Variants in ACO2 observed in about 807,000 individuals in gnomAD.
ACO2 encodes the protein aconitate hydratase, mitochondrial.
Under a neutral mutation model 84.5 loss-of-function variants are expected in ACO2, and 31 were observed. The observed-to-expected ratio is 0.37, with a 90% CI of 0.28 to 0.50. The LOEUF (loss-of-function observed/expected upper bound fraction) is 0.50. Among genes scored for constraint, ACO2 ranks in the 20% least tolerant of loss-of-function variants. The pLI is 0.97. For missense variants in ACO2, 685 were observed against 1,029.3 expected (o/e 0.67, Z 4.58); for synonymous variants, 414 against 412.7 (o/e 1.00, Z -0.04).
chr22:41,497,150 C>T (rs948486194), intron 1 of ACO2, among the ~76,000 whole-genome samples: 3 of 151,808 alleles, frequency 2.0e-5, no homozygotes, highest in African/African-American at 7.3e-5. Flanking sequence ...CTCACTGCAA[C>T]CTCTGCCCCC....
Position 41,515,105 on chromosome 22 carries a change from A to G in ACO2, c.526-272A>G, listed in dbSNP as rs2066465274. The stretch of plus-strand genomic sequence containing the variant: ...ATGGGTGTTTGGTTACTGTGCTACA[A>G]ATGAGGAAACTGAGGCATGGGGCAG... On this transcript the variant is annotated intron_variant, in intron 4 of 17. Transcript: ENST00000216254. This position sits in a 1 kb window ranked among gnomAD's most constrained non-coding sequence, Gnocchi z 5.8. Among the ~76,000 whole-genome samples the G allele has an allele frequency of 6.6e-6, 1 of 152,158 alleles. No individual in the cohort carries two copies. The highest frequency in any genetic ancestry group is 6.5e-5 in the Admixed American group (1 of 15,280).
intron 1 of ACO2, among the ~76,000 whole-genome samples, chr22:41,485,481 C>G (rs917040799): frequency 1.4e-5 from 2 of 146,138 alleles, no homozygotes; most frequent in East Asian, 2.0e-4. Flanking sequence ...CGCTCTGTCG[C>G]CCAGTCTGGA....
Position 41,523,893 on chromosome 22 carries a change from C to T in ACO2, c.1434C>T (p.Gly478=), listed in dbSNP as rs1171652807. ...CCTCCTACAACAGGAACTTCACGGG[C>T]CGCAACGACGCAAACCCCGAGACCC... ...IVTSYNRNFT[G]RNDANPETHA... is the part of the protein sequence containing the mutation. The change falls in exon 12 of 18, where the codon GGC becomes GGT. Residue 478 remains glycine (G), a synonymous_variant. Transcript: ENST00000216254. The T allele has an allele frequency of 2.5e-6, 4 of 1,612,550 alleles. No individual in the cohort carries two copies. In the Admixed American group the frequency reaches 6.7e-5, roughly 27 times the overall value.
Position 41,515,967 on chromosome 22 carries a change from T to A in ACO2, c.835+50T>A. 1 of 1,587,454 alleles carries A rather than the reference T, an allele frequency of 6.3e-7. No individual in the cohort carries two copies. On this transcript the variant is annotated intron_variant, in intron 6 of 17. Transcript: ENST00000216254. The surrounding 1 kb of genome is among the most constrained non-coding windows in gnomAD (Gnocchi z 5.8). ...GGCCCCTACCCTGTGCTGGGCCTGATGGGTCTCCAGTTGGGAGTAGAAGCG... is the reference window on the plus strand; with the variant it reads ...GGCCCCTACCCTGTGCTGGGCCTGAAGGGTCTCCAGTTGGGAGTAGAAGCG...
chr22:41,482,332 G>A (rs747314150), intron 1 of ACO2, among the ~76,000 whole-genome samples: 6 of 152,262 alleles, frequency 3.9e-5, no homozygotes, highest in Admixed American at 2.6e-4. Flanking sequence ...AGCACAGGGA[G>A]AAAGTCTCGG....
intron 1 of ACO2, among the ~76,000 whole-genome samples, chr22:41,476,985 C>T (rs1464763766): frequency 1.3e-5 from 2 of 151,308 alleles, no homozygotes; most frequent in African/African-American, 4.9e-5. Flanking sequence ...TCTGTCTCTA[C>T]TAAAATACAA....
chr22:41,470,993 T>G (rs1190515775), intron 1 of ACO2, among the ~76,000 whole-genome samples: 3 of 152,210 alleles, frequency 2.0e-5, no homozygotes, highest in African/African-American at 7.2e-5. Flanking sequence ...TCACACCATT[T>G]TGAACCGAAA....
chr22:41,475,078 A>G (rs899081600), intron 1 of ACO2, among the ~76,000 whole-genome samples: 2 of 148,634 alleles, frequency 1.3e-5, no homozygotes, highest in African/African-American at 2.5e-5. Flanking sequence ...ACTCTGTCCT[A>G]TCTGGTCTTA....
chr22:41,523,108 G>GT (rs2066540337), intron 10 of ACO2, 97 bp from the exon 11 acceptor site: 1 of 1,535,742 alleles, frequency 6.5e-7, no homozygotes, highest in Non-Finnish European at 8.9e-7. Context: ...CTGCCCTGGG[G>GT]TTCCAGTACA....
Position 41,497,912 on chromosome 22 carries a change from G to A in ACO2, c.37-1814G>A, listed in dbSNP as rs565402719. 7.2e-5 allele frequency among the ~76,000 whole-genome samples: 11 copies of A among 152,088 alleles called. No homozygotes were observed. The East Asian group carries it at 1.7e-3, about 24-fold the overall frequency. ...AAAATAAAAAAAATATTGGGAGGCCGAGGCAGGCGGATCACGAGTTCAAGA... is the reference window on the plus strand; with the variant it reads ...AAAATAAAAAAAATATTGGGAGGCCAAGGCAGGCGGATCACGAGTTCAAGA... On this transcript the variant is annotated intron_variant, in intron 1 of 17. Transcript: ENST00000216254.
intron 1 of ACO2, among the ~76,000 whole-genome samples, chr22:41,494,703 G>A (rs1420075542): frequency 1.3e-5 from 2 of 151,282 alleles, no homozygotes; most frequent in East Asian, 3.9e-4. Flanking sequence ...GAGCCACTGC[G>A]CCAGGCTGTA....
At chr22:41,485,872 C>T (rs1555886503) in intron 1 of ACO2, among the ~76,000 whole-genome samples, 1 of 152,166 alleles carries the variant, frequency 6.6e-6, no homozygotes, top group Non-Finnish European at 1.5e-5. Context: ...CAGGCTCGAG[C>T]CACCGTGCCT....
At chr22:41,502,271 C>T (rs1474599699) in intron 2 of ACO2, among the ~76,000 whole-genome samples, 2 of 152,192 alleles carry the variant, frequency 1.3e-5, no homozygotes, top group Non-Finnish European at 2.9e-5. Context: ...CATGGGCCAG[C>T]AGCATTGGCA....
intron 2 of ACO2, among the ~76,000 whole-genome samples, chr22:41,501,737 C>T (rs2066355191): frequency 6.6e-6 from 1 of 152,044 alleles, no homozygotes; most frequent in East Asian, 1.9e-4. Context: ...GTCTTTGTAC[C>T]CTCTAGTACT....
rs2066598205 is a variant in ACO2 at position 41,526,444 on chromosome 22, C to T, written c.1944C>T (p.Arg648=). 1 of 1,612,256 alleles carries T rather than the reference C, an allele frequency of 6.2e-7. No individual in the cohort carries two copies. Among genetic ancestry groups the T allele is most frequent in the African/African-American group, 1.3e-5 (1 of 74,932 alleles). Residue 648 remains arginine (R), a synonymous_variant, in exon 15 of 18, where the codon CGC becomes CGT. Coordinates refer to ENST00000216254, the MANE Select transcript of ACO2 (RefSeq NM_001098.3). ...QEFGPVPDTA[R]YYKKHGIRWV... ...TTGGCCCCGTCCCTGACACTGCCCGCTACTACAAGGTGGGTCAGAGTTGAT... is the reference window on the plus strand; with the variant it reads ...TTGGCCCCGTCCCTGACACTGCCCGTTACTACAAGGTGGGTCAGAGTTGAT...
At chr22:41,513,629 G>A (rs1215748021) in intron 4 of ACO2, among the ~76,000 whole-genome samples, 2 of 152,140 alleles carry the variant, frequency 1.3e-5, no homozygotes, top group Non-Finnish European at 2.9e-5. Flanking sequence ...CATCTGCCAA[G>A]TGCTTTCTGC....
Position 41,518,496 on chromosome 22 carries a change from C to G in ACO2, c.956C>G (p.Ala319Gly), listed in dbSNP as rs1264766388. 7 of 1,613,394 alleles carry G rather than the reference C, an allele frequency of 4.3e-6. No homozygotes were observed. The highest frequency in any genetic ancestry group is 5.9e-6 in the Non-Finnish European group (7 of 1,179,672). The change falls in exon 8 of 18, where the codon GCT becomes GGT. Residue 319 changes from alanine (A) to glycine (G), a missense_variant. Physicochemically the swap from Ala to Gly is moderately conservative, Grantham distance 60. Around this residue, in one of 5 missense-constraint regions of ACO2, gnomAD observed 311 missense variants for 441.6 expected, o/e 0.70. Coordinates refer to ENST00000216254, the MANE Select transcript of ACO2 (RefSeq NM_001098.3). ...KTGREDIANLADEFKDHLVPD... is the reference protein window; with the variant it reads ...KTGREDIANLGDEFKDHLVPD... ...TTGATTTCAGACATTGCCAATCTAG[C>G]TGATGAATTCAAGGATCACTTGGTG...
intron 15 of ACO2, chr22:41,526,752 A>C (rs904291647): frequency 5.4e-6 from 2 of 371,280 alleles, no homozygotes; most frequent in Admixed American, 8.3e-5. Context: ...CAGAGGCCAA[A>C]AGCTCAGAGA....
chr22:41,511,786 A>G (rs1396284613), intron 3 of ACO2, 90 bp from the exon 4 acceptor site: 9 of 874,546 alleles, frequency 1.0e-5, no homozygotes, highest in Non-Finnish European at 1.6e-5. Context: ...CAGAGTCAGA[A>G]GGGAGGCTGA....
Sources: allele counts gnomAD v4.1 joint callset (sites outside exome capture counted in the v4.1 genomes callset), GRCh38; gene constraint gnomAD v4.1.1; regional missense constraint gnomAD v4.1.1; non-coding constraint Gnocchi (gnomAD v3.1); transcripts MANE v1.5; gene names NCBI Gene and HGNC (gene_info 2026-07-23, HGNC 2026-07-21).